TNPO3: variants seen among roughly 807,000 people sequenced by gnomAD.
The protein encoded by TNPO3 is transportin-3.
A neutral mutation model predicts 122.8 loss-of-function variants in TNPO3; 65 were observed. The observed-to-expected ratio is 0.53, with a 90% CI of 0.43 to 0.65. TNPO3 has a LOEUF of 0.65. Ranked by LOEUF, TNPO3 falls within the 30% of genes least tolerant of loss-of-function variation. The pLI is 0.00. For synonymous variants in TNPO3, 372 were observed against 411.2 expected (o/e 0.90, Z 1.15); for missense variants, 850 against 1,136.7 (o/e 0.75, Z 3.63).
intron 1 of TNPO3, among the ~76,000 whole-genome samples, chr7:129,044,954 C>A (rs1163565462): frequency 6.6e-6 from 1 of 152,090 alleles, no homozygotes; most frequent in African/African-American, 2.4e-5. Flanking sequence ...AGCAAGTGTC[C>A]ATTGATGGAT....
chr7:128,974,450 T>G (rs1798849125), intron 18 of TNPO3, among the ~76,000 whole-genome samples: 1 of 151,884 alleles, frequency 6.6e-6, no homozygotes, highest in South Asian at 2.1e-4. Flanking sequence ...AGATAACTGC[T>G]AAGGCATCTT....
chr7:128,971,189 A>C (rs1798455419), intron 19 of TNPO3, among the ~76,000 whole-genome samples: 1 of 149,208 alleles, frequency 6.7e-6, no homozygotes, highest in Admixed American at 6.7e-5. Flanking sequence ...TCTGTCACCC[A>C]GGCTGGAGTG....
At chr7:128,959,860 A>C (rs1353205828) in intron 21 of TNPO3, among the ~76,000 whole-genome samples, 2 of 152,064 alleles carry the variant, frequency 1.3e-5, no homozygotes, top group African/African-American at 4.8e-5. Flanking sequence ...ATCTCCACTA[A>C]AAAGACAAAA....
intron 1 of TNPO3, among the ~76,000 whole-genome samples, chr7:129,044,985 G>GTA (rs1299696298): frequency 6.6e-6 from 1 of 152,122 alleles, no homozygotes; most frequent in Non-Finnish European, 1.5e-5. Context: ...GCCAAACGTG[G>GTA]TATATATACA....
At position 128,990,079 on chromosome 7, in the gene TNPO3, C is replaced by T. The variant is rs142397932; in HGVS notation, c.1380G>A (p.Val460=). 6 of 1,614,074 alleles carry T rather than the reference C, an allele frequency of 3.7e-6. No homozygotes were observed. The highest frequency in any genetic ancestry group is 1.3e-5 in the African/African-American group (1 of 74,938). The change falls in exon 11 of 23, where the codon GTG becomes GTA. Residue 460 remains valine, a synonymous_variant. Transcript: ENST00000265388. Reference sequence around the variant, plus strand: ...GGCGGACAACTCCTTCTAGGACTTCCACAAGTGTTGGATTGTTTTCCCTGA... The same window carrying T: ...GGCGGACAACTCCTTCTAGGACTTCTACAAGTGTTGGATTGTTTTCCCTGA... The part of the protein sequence containing the change: ...SVDPENNPTL[V]EVLEGVVRLP...
intron 11 of TNPO3, among the ~76,000 whole-genome samples, chr7:128,987,476 A>T (rs1057254492): frequency 1.3e-5 from 2 of 152,250 alleles, no homozygotes; most frequent in African/African-American, 4.8e-5. Context: ...GTGCTCCAAG[A>T]AAGTTTATCA....
At chr7:129,024,367 G>A (rs1005547978) in intron 1 of TNPO3, among the ~76,000 whole-genome samples, 1 of 152,180 alleles carries the variant, frequency 6.6e-6, no homozygotes, top group African/African-American at 2.4e-5. Flanking sequence ...CCAAATGGAT[G>A]AAAACTGAAG....
Position 129,004,912 on chromosome 7 carries a change from C to T in TNPO3, c.696+104G>A, listed in dbSNP as rs570102883. Reference sequence around the variant, plus strand: ...ACATTGCTGCATTCTTAATACACGCCTTCCAGTTACTGTGCAAAAATTTAA... The same window carrying T: ...ACATTGCTGCATTCTTAATACACGCTTTCCAGTTACTGTGCAAAAATTTAA... On this transcript the variant is annotated intron_variant, in intron 5 of 22. Transcript: ENST00000265388. 1.7e-3 allele frequency: 1,895 copies of T among 1,103,208 alleles called. 2 individuals carry two copies. Among genetic ancestry groups the T allele is most frequent in the Non-Finnish European group, 2.3e-3 (1,744 of 771,604 alleles). The allele number at this position is 1,103,208 out of a possible 1,614,324, so 68.3% of individuals were successfully genotyped here. A position where few individuals can be genotyped will look rare whatever the true frequency, so the allele number is the denominator to read the frequency against.
intron 1 of TNPO3, among the ~76,000 whole-genome samples, chr7:129,023,024 G>A (rs1189725675): frequency 6.6e-6 from 1 of 152,172 alleles, no homozygotes; most frequent in African/African-American, 2.4e-5. Context: ...TGGAAGAAAG[G>A]GGAGAGCACA....
chr7:128,981,687 CT>C (rs1374645104), intron 14 of TNPO3, among the ~76,000 whole-genome samples: 5 of 151,342 alleles, frequency 3.3e-5, no homozygotes, highest in Admixed American at 1.3e-4. Context: ...GTCTTTTGGT[CT>C]CCACAGAACT....
At chr7:129,013,801 TCTC>T (rs956097861) in intron 4 of TNPO3, among the ~76,000 whole-genome samples, 1 of 152,044 alleles carries the variant, frequency 6.6e-6, no homozygotes, top group Non-Finnish European at 1.5e-5. Context: ...AAGAATAAAA[TCTC>T]CTGTCATTTG....
At chr7:128,971,148 T>TA (rs951474930) in intron 19 of TNPO3, 3 of 151,910 alleles carry the variant, frequency 2.0e-5, no homozygotes, top group African/African-American at 7.2e-5. Flanking sequence ...TTGCGGTCTT[T>TA]AATTTTTTTT....
intron 9 of TNPO3, among the ~76,000 whole-genome samples, chr7:128,992,531 A>G (rs1241233043): frequency 6.6e-6 from 1 of 152,210 alleles, no homozygotes; most frequent in Admixed American, 6.5e-5. Flanking sequence ...ATTCCTAAAA[A>G]GCAGCTGTTT....
rs149984237 is a variant in TNPO3 at position 129,039,057 on chromosome 7, T to C, written c.120+15594A>G. Among the ~76,000 whole-genome samples, 685 of 152,262 alleles carry C rather than the reference T, an allele frequency of 4.5e-3. 1 individual carries two copies. Among genetic ancestry groups the C allele is most frequent in the Non-Finnish European group, 6.1e-3 (417 of 68,026 alleles). ...AATGGTCAAAAAGCATACGAAAAGA[T>C]GCTCAACATGATTAGCCATCAGGAA... On this transcript the variant is annotated intron_variant, in intron 1 of 22. Transcript: ENST00000265388.
chr7:128,964,492 C>T (rs553422108), intron 21 of TNPO3, among the ~76,000 whole-genome samples: 5 of 152,138 alleles, frequency 3.3e-5, no homozygotes, highest in South Asian at 4.2e-4. Flanking sequence ...CCCACCACCA[C>T]GCCCGGCTAA....
chr7:128,997,408 C>T lies in TNPO3; in HGVS notation c.1139G>A (p.Cys380Tyr). ...ACTTACATGGTCTGGTTCCAGCTGG[C>T]AGTGTCGAGCCAAGGCGTGAAGCAG... ...QRLLHALARH[C>Y]QLEPDHEGVP... Residue 380 changes from cysteine (C) to tyrosine (Y), a missense_variant, in exon 8 of 23, where the codon TGC (cysteine) becomes TAC (tyrosine). Transcript: ENST00000265388. 1 of 1,614,124 alleles carries T rather than the reference C, an allele frequency of 6.2e-7. No homozygotes were observed. The highest frequency in any genetic ancestry group is 8.5e-7 in the Non-Finnish European group (1 of 1,179,990).
At chr7:129,001,604 A>G (rs956886278) in intron 5 of TNPO3, among the ~76,000 whole-genome samples, 4 of 152,196 alleles carry the variant, frequency 2.6e-5, no homozygotes, top group African/African-American at 7.2e-5. Flanking sequence ...GAAGATAGTG[A>G]TGGATAAATG....
intron 17 of TNPO3, among the ~76,000 whole-genome samples, chr7:128,975,550 C>A (rs936909171): frequency 5.3e-5 from 8 of 152,244 alleles, no homozygotes; most frequent in Non-Finnish European, 8.8e-5. Context: ...CTCACCTCCT[C>A]CCCCCTCCAA....
chr7:128,962,161 C>T (rs1797517299), intron 21 of TNPO3, among the ~76,000 whole-genome samples: 1 of 151,602 alleles, frequency 6.6e-6, no homozygotes, highest in East Asian at 1.9e-4. Flanking sequence ...GTCAGGAGAT[C>T]GAGACCATCC....
Sources: gnomAD v4.1 joint callset for allele counts (sites outside exome capture counted in the v4.1 genomes callset) on GRCh38, gnomAD v4.1.1 for gene constraint, MANE v1.5 for transcripts, NCBI Gene and HGNC (gene_info 2026-07-23, HGNC 2026-07-21) for gene names.